CEP70: variants seen among roughly 807,000 people sequenced by gnomAD.
CEP70 encodes centrosomal protein 70, also known as centrosomal protein of 70 kDa.
CEP70 carries 70 observed loss-of-function variants against 90.9 expected under a neutral mutation model. The observed-to-expected ratio is 0.77, with a 90% CI of 0.64 to 0.94. The LOEUF (loss-of-function observed/expected upper bound fraction) is 0.94, where lower values mean the gene tolerates loss of function less well. Among genes scored for constraint, CEP70 ranks in the 40% least tolerant of loss-of-function variants. CEP70 has a pLI of 0.00. For synonymous variants in CEP70, 220 were observed against 228.3 expected, an observed-to-expected ratio of 0.96 and a Z score of 0.33; for missense variants, 648 against 669.0, an observed-to-expected ratio of 0.97 and a Z score of 0.35.
chr3:138,555,041 G>A (rs1399111130), intron 6 of CEP70, among the ~76,000 whole-genome samples: 1 of 152,088 alleles, frequency 6.6e-6, no homozygotes, highest in Admixed American at 6.6e-5. Context: ...CTGAGGTCAG[G>A]AGTTCAAGAC....
intron 2 of CEP70, among the ~76,000 whole-genome samples, chr3:138,581,687 C>A (rs2041864726): frequency 2.4e-5 from 2 of 82,068 alleles, no homozygotes; most frequent in African/African-American, 5.0e-5. Flanking sequence ...AAGAGTGAAA[C>A]TTGTCTCAAA....
At chr3:138,579,094 T>A (rs1410560734) in intron 2 of CEP70, among the ~76,000 whole-genome samples, 1 of 152,186 alleles carries the variant, frequency 6.6e-6, no homozygotes, top group African/African-American at 2.4e-5. Context: ...GTGCAGTGAC[T>A]GTGGAACTTT....
At chr3:138,567,284 A>G (rs2040859012) in intron 6 of CEP70, among the ~76,000 whole-genome samples, 1 of 152,218 alleles carries the variant, frequency 6.6e-6, no homozygotes, top group Non-Finnish European at 1.5e-5. Flanking sequence ...CTAAAATTGG[A>G]AACAACTGTA....
intron 2 of CEP70, among the ~76,000 whole-genome samples, chr3:138,573,475 C>T: frequency 6.6e-6 from 1 of 151,502 alleles, no homozygotes; most frequent in South Asian, 2.1e-4. Flanking sequence ...ATCTAAAATT[C>T]CAAAGCCAGT....
intron 13 of CEP70, among the ~76,000 whole-genome samples, chr3:138,501,161 C>T (rs1576516251): frequency 6.6e-6 from 1 of 151,960 alleles, no homozygotes; most frequent in East Asian, 1.9e-4. Context: ...AATCTGAGTG[C>T]TCTAAGTAAT....
intron 6 of CEP70, among the ~76,000 whole-genome samples, chr3:138,540,086 A>T (rs2038624122): frequency 6.6e-6 from 1 of 152,246 alleles, no homozygotes; most frequent in Non-Finnish European, 1.5e-5. Flanking sequence ...AACGGCCAGC[A>T]TCTATAAGGA....
chr3:138,538,056 A>C (rs2038435576), intron 6 of CEP70, among the ~76,000 whole-genome samples: 1 of 152,128 alleles, frequency 6.6e-6, no homozygotes, highest in Non-Finnish European at 1.5e-5. Context: ...TTTTCCCCAG[A>C]CTCAGTTTCT....
Position 138,496,211 on chromosome 3 carries a change from A to C in CEP70, c.1733-1135T>G, listed in dbSNP as rs564412433. ...ATTAATAAACGCGTTCCCTTACATAAAGCATGCTTTCTTGGATTCCAACTC... is the reference window on the plus strand; with the variant it reads ...ATTAATAAACGCGTTCCCTTACATACAGCATGCTTTCTTGGATTCCAACTC... On this transcript the variant is annotated intron_variant, in intron 17 of 17. Transcript: ENST00000264982. The C allele has an allele frequency of 5.2e-5, 51 of 985,334 alleles. No individual in the cohort carries two copies. The South Asian group carries it at 2.1e-3, about 41-fold the overall frequency. 61.0% of individuals were successfully genotyped at this position (985,334 alleles called of 1,614,324 possible).
chr3:138,564,013 G>A (rs2040600410), intron 6 of CEP70, among the ~76,000 whole-genome samples: 1 of 152,086 alleles, frequency 6.6e-6, no homozygotes, highest in South Asian at 2.1e-4. Context: ...TGATAAAGGG[G>A]ATATCCCCAC....
chr3:138,517,061 G>A (rs886782435), intron 11 of CEP70, among the ~76,000 whole-genome samples: 4 of 152,108 alleles, frequency 2.6e-5, no homozygotes, highest in African/African-American at 4.8e-5. Flanking sequence ...GTGTGATAAC[G>A]CTCACTTTAA....
At chr3:138,534,308 C>G (rs2038083860) in intron 7 of CEP70, among the ~76,000 whole-genome samples, 1 of 152,146 alleles carries the variant, frequency 6.6e-6, no homozygotes, top group Non-Finnish European at 1.5e-5. Flanking sequence ...AACCCTTCCC[C>G]AATTACTCTT....
intron 2 of CEP70, among the ~76,000 whole-genome samples, chr3:138,581,694 C>CAAAA (rs35064874): frequency 1.0e-4 from 8 of 79,300 alleles, no homozygotes; most frequent in African/African-American, 1.9e-4. Flanking sequence ...AAACTTGTCT[C>CAAAA]AAAAAAAAAA....
chr3:138,500,934 T>A, intron 13 of CEP70, 53 bp from the exon 14 acceptor site: 2 of 856,694 alleles, frequency 2.3e-6, no homozygotes, highest in Non-Finnish European at 3.3e-6. Flanking sequence ...ATTTCTATAG[T>A]AACATAATAG....
At chr3:138,507,910 G>A (rs1289203542) in intron 12 of CEP70, among the ~76,000 whole-genome samples, 1 of 152,084 alleles carries the variant, frequency 6.6e-6, no homozygotes, top group Non-Finnish European at 1.5e-5. Flanking sequence ...AAAATCTTAT[G>A]TGTACCCAAT....
intron 6 of CEP70, among the ~76,000 whole-genome samples, chr3:138,563,857 T>C (rs78910980): frequency 0.01 from 1,561 of 152,018 alleles, 26 homozygotes; most frequent in African/African-American, 0.037. Flanking sequence ...ACAGCAGAAA[T>C]GAAGGAGCTA....
At chr3:138,537,447 G>A (rs1022417716) in intron 6 of CEP70, 100 bp from the exon 7 acceptor site, 2 of 745,246 alleles carry the variant, frequency 2.7e-6, no homozygotes, top group Non-Finnish European at 4.0e-6. Flanking sequence ...TTTCTACTGA[G>A]CTGTTTCATT....
chr3:138,592,650 C>T (rs906592898), intron 1 of CEP70, among the ~76,000 whole-genome samples: 2 of 152,114 alleles, frequency 1.3e-5, no homozygotes, highest in Non-Finnish European at 2.9e-5. Context: ...CATCTTCTGG[C>T]ACTTTCTAGG....
At chr3:138,522,514 A>G (rs1159967219) in intron 11 of CEP70, among the ~76,000 whole-genome samples, 1 of 152,232 alleles carries the variant, frequency 6.6e-6, no homozygotes, top group African/African-American at 2.4e-5. Flanking sequence ...AGAATCAAAT[A>G]GACGCAACAA....
chr3:138,550,099 C>T (rs1182706076), intron 6 of CEP70, among the ~76,000 whole-genome samples: 2 of 152,120 alleles, frequency 1.3e-5, no homozygotes, highest in Admixed American at 6.5e-5. Context: ...CTGACATAGC[C>T]TACCCAAATG....
Sources: allele counts gnomAD v4.1 joint callset (sites outside exome capture counted in the v4.1 genomes callset), GRCh38; gene constraint gnomAD v4.1.1; transcripts MANE v1.5; gene names NCBI Gene and HGNC (gene_info 2026-07-23, HGNC 2026-07-21).